The following WDFY3 variants were observed in gnomAD, a reference collection of about 807,000 sequenced individuals.
WDFY3 encodes WD repeat and FYVE domain containing 3, also known as WD repeat and FYVE domain-containing protein 3.
In WDFY3, 66 loss-of-function variants were observed where a neutral mutation model predicts 409.6. The ratio of observed to expected loss-of-function variants is 0.16; its 90% confidence interval spans 0.13 to 0.20. The LOEUF (loss-of-function observed/expected upper bound fraction) is 0.20, where lower values mean the gene tolerates loss of function less well. Among genes scored for constraint, WDFY3 ranks in the 10% least tolerant of loss-of-function variants. The pLI is 1.00. For missense variants in WDFY3, 3,031 were observed against 4,298.1 expected (o/e 0.71, Z 8.24); for synonymous variants, 1,521 against 1,537.1 (o/e 0.99, Z 0.25).
intron 3 of WDFY3, among the ~76,000 whole-genome samples, chr4:84,876,085 T>C (rs1762743600): frequency 6.6e-6 from 1 of 152,240 alleles, no homozygotes; most frequent in African/African-American, 2.4e-5. Context: ...GTATGTGCTA[T>C]ACTTTCATAC....
chr4:84,696,667 G>A (rs1451827719), intron 57 of WDFY3, 65 bp downstream of exon 57: 5 of 1,525,564 alleles, frequency 3.3e-6, no homozygotes, highest in African/African-American at 1.4e-5. Context: ...TAGAGGCCCT[G>A]TCTTTGTATT....
chr4:84,933,297 C>G (rs1358341849), intron 1 of WDFY3, among the ~76,000 whole-genome samples: 1 of 151,976 alleles, frequency 6.6e-6, no homozygotes, highest in African/African-American at 2.4e-5. Flanking sequence ...AAAACCTAAC[C>G]AATAATAACC....
At chr4:84,796,998 T>C (rs1749562790) in intron 18 of WDFY3, among the ~76,000 whole-genome samples, 1 of 152,162 alleles carries the variant, frequency 6.6e-6, no homozygotes, top group African/African-American at 2.4e-5. Flanking sequence ...AAAATAAACA[T>C]CTCAAATAAT....
intron 30 of WDFY3, among the ~76,000 whole-genome samples, chr4:84,770,706 A>G (rs1202483508): frequency 5.3e-5 from 8 of 152,180 alleles, no homozygotes; most frequent in Non-Finnish European, 1.2e-4. Context: ...GTAATTTGAA[A>G]ATTGCCTTAT....
chr4:84,763,396 G>C (rs1425546399), intron 32 of WDFY3, among the ~76,000 whole-genome samples: 1 of 146,958 alleles, frequency 6.8e-6, no homozygotes, highest in African/African-American at 2.5e-5. Flanking sequence ...GGGGGTTAAG[G>C]GGAGGGAGAG....
chr4:84,949,496 A>C (rs1410885355), intron 1 of WDFY3, among the ~76,000 whole-genome samples: 1 of 152,206 alleles, frequency 6.6e-6, no homozygotes, highest in African/African-American at 2.4e-5. Flanking sequence ...AGAGTTCTAG[A>C]AGCAATTTCT....
At chr4:84,798,867 AAG>A (rs1438372728) in intron 17 of WDFY3, among the ~76,000 whole-genome samples, 1 of 146,640 alleles carries the variant, frequency 6.8e-6, no homozygotes, top group Non-Finnish European at 1.5e-5. Flanking sequence ...TCTATTGCTT[AAG>A]ACTCTTCCAT....
At chr4:84,729,849 A>C (rs1007726585) in intron 44 of WDFY3, among the ~76,000 whole-genome samples, 7 of 152,214 alleles carry the variant, frequency 4.6e-5, no homozygotes, top group Admixed American at 2.0e-4. Context: ...CAAAAGATCA[A>C]ATCATTTGCC....
intron 4 of WDFY3, among the ~76,000 whole-genome samples, chr4:84,855,806 G>T (rs1759683401): frequency 6.6e-6 from 1 of 152,020 alleles, no homozygotes; most frequent in African/African-American, 2.4e-5. Context: ...AAATGATTAG[G>T]GAAATATTTA....
chr4:84,714,669 G>A (rs1050630236), intron 50 of WDFY3, among the ~76,000 whole-genome samples: 2 of 151,964 alleles, frequency 1.3e-5, no homozygotes, highest in African/African-American at 2.4e-5. Context: ...ATTTTTGGCC[G>A]GGCACGGTGG....
intron 10 of WDFY3, among the ~76,000 whole-genome samples, chr4:84,825,047 A>G (rs1754652321): frequency 6.6e-6 from 1 of 152,180 alleles, no homozygotes; most frequent in African/African-American, 2.4e-5. Context: ...CATAGACATT[A>G]TGTCACTGGA....
chr4:84,771,718 C>T lies in WDFY3; in HGVS notation c.4849+1117G>A, dbSNP rs553490879. Among the ~76,000 whole-genome samples, 3 of 152,216 alleles carry T rather than the reference C, an allele frequency of 2.0e-5. No individual in the cohort carries two copies. In the South Asian group the frequency reaches 6.2e-4, roughly 32 times the overall value. On this transcript the variant is annotated intron_variant, in intron 30 of 67. Transcript: ENST00000295888. ...ATAATTGGAATAATAGTACCTATTT[C>T]ATATGGTTATTACAAAATTATATAG...
intron 3 of WDFY3, among the ~76,000 whole-genome samples, chr4:84,861,982 A>G (rs939894548): frequency 2.6e-5 from 4 of 152,234 alleles, no homozygotes; most frequent in African/African-American, 9.6e-5. Flanking sequence ...AAAGCAGGCA[A>G]CACCTGAGAT....
At chr4:84,784,192 C>G (rs2078743970) in intron 24 of WDFY3, among the ~76,000 whole-genome samples, 1 of 152,200 alleles carries the variant, frequency 6.6e-6, no homozygotes, top group Admixed American at 6.5e-5. Flanking sequence ...CTCCATAACA[C>G]TGGAACGTCC....
intron 3 of WDFY3, among the ~76,000 whole-genome samples, chr4:84,871,342 A>G (rs1399322343): frequency 6.6e-6 from 1 of 152,182 alleles, no homozygotes; most frequent in East Asian, 1.9e-4. Flanking sequence ...AAATAGTTTA[A>G]ACATTAGGAG....
At chr4:84,745,215 T>C (rs1414305154) in intron 36 of WDFY3, among the ~76,000 whole-genome samples, 1 of 152,206 alleles carries the variant, frequency 6.6e-6, no homozygotes, top group Non-Finnish European at 1.5e-5. Flanking sequence ...GAGCCTTTTG[T>C]CATCCTCAAA....
chr4:84,683,253 G>A (rs768710164), intron 63 of WDFY3, among the ~76,000 whole-genome samples: 1 of 152,210 alleles, frequency 6.6e-6, no homozygotes, highest in Non-Finnish European at 1.5e-5. Flanking sequence ...GGTACAGGGT[G>A]TGGTATTGGA....
At chr4:84,888,303 G>C (rs1424280425) in intron 3 of WDFY3, among the ~76,000 whole-genome samples, 2 of 152,182 alleles carry the variant, frequency 1.3e-5, no homozygotes. Context: ...ACTTTGGAAG[G>C]CCAAGGCGAG....
chr4:84,945,208 T>C (rs905102605), intron 1 of WDFY3, among the ~76,000 whole-genome samples: 1 of 152,132 alleles, frequency 6.6e-6, no homozygotes, highest in Non-Finnish European at 1.5e-5. Flanking sequence ...AACCACCAGG[T>C]GGAAGGAGAA....
Sources: allele counts gnomAD v4.1 joint callset (sites outside exome capture counted in the v4.1 genomes callset), GRCh38; gene constraint gnomAD v4.1.1; transcripts MANE v1.5; gene names NCBI Gene and HGNC (gene_info 2026-07-23, HGNC 2026-07-21).